Variants in SH3PXD2B observed in about 807,000 individuals in gnomAD.
The protein encoded by SH3PXD2B is SH3 and PX domains 2B, also known as SH3 and PX domain-containing protein 2B.
In SH3PXD2B, 37 loss-of-function variants were observed where a neutral mutation model predicts 73.1. That is an observed-to-expected ratio of 0.51 (90% CI 0.39 to 0.67). The LOEUF is 0.67. Among genes scored for constraint, SH3PXD2B ranks in the 30% least tolerant of loss-of-function variants. SH3PXD2B has a pLI of 0.00. For synonymous variants in SH3PXD2B, 457 were observed against 480.5 expected (o/e 0.95, Z 0.64); for missense variants, 1,053 against 1,197.8 (o/e 0.88, Z 1.78).
downstream of SH3PXD2B, among the ~76,000 whole-genome samples, chr5:172,329,075 A>AT (rs1561884420): frequency 9.8e-5 from 7 of 71,120 alleles, no homozygotes; most frequent in African/African-American, 3.3e-4. Flanking sequence ...ATATATATAT[A>AT]TATATATATT....
intron 10 of SH3PXD2B, among the ~76,000 whole-genome samples, chr5:172,348,663 CTATCTAT>C (rs1757066390): frequency 6.9e-5 from 2 of 28,874 alleles, no homozygotes; most frequent in African/African-American, 1.6e-4. Flanking sequence ...TCCTATCTAT[CTATCTAT>C]CTATCTATCT....
chr5:172,431,420 T>C (rs1023119862), intron 1 of SH3PXD2B, among the ~76,000 whole-genome samples: 4 of 152,144 alleles, frequency 2.6e-5, no homozygotes, highest in Non-Finnish European at 4.4e-5. Context: ...TCGGGTAGTA[T>C]TCCAGTTCCT....
At chr5:172,448,839 C>T (rs1213851050) in intron 1 of SH3PXD2B, among the ~76,000 whole-genome samples, 2 of 152,218 alleles carry the variant, frequency 1.3e-5, no homozygotes, top group Non-Finnish European at 2.9e-5. Flanking sequence ...TTCCACTCAA[C>T]TTTGCTGCCC....
At chr5:172,329,828 T>C (rs113358538), downstream of SH3PXD2B, among the ~76,000 whole-genome samples, 3,608 of 152,264 alleles carry the variant, frequency 0.024, 143 homozygotes, top group African/African-American at 0.082. Flanking sequence ...TAAGCCACTG[T>C]GCCCGGCCAG....
At chr5:172,419,936 C>A in intron 2 of SH3PXD2B, among the ~76,000 whole-genome samples, 1 of 152,236 alleles carries the variant, frequency 6.6e-6, no homozygotes, top group Non-Finnish European at 1.5e-5. Context: ...TTACCTAACA[C>A]TCACTCTTTG....
At chr5:172,420,383 T>C (rs911400734) in intron 2 of SH3PXD2B, among the ~76,000 whole-genome samples, 1 of 152,234 alleles carries the variant, frequency 6.6e-6, no homozygotes, top group Non-Finnish European at 1.5e-5. Context: ...CAGTTTGTTA[T>C]GTAGGCGTTT....
chr5:172,331,477 T>C (rs6881831), downstream of SH3PXD2B, among the ~76,000 whole-genome samples: 99,083 of 152,002 alleles, frequency 0.65, 32,490 homozygotes, highest in South Asian at 0.84. Flanking sequence ...TGCAAGACGC[T>C]GAAGAATCTC....
At chr5:172,372,043 CAG>C (rs1468804207) in intron 6 of SH3PXD2B, among the ~76,000 whole-genome samples, 1 of 152,248 alleles carries the variant, frequency 6.6e-6, no homozygotes, top group East Asian at 1.9e-4. Flanking sequence ...TTCCCTGAGG[CAG>C]AGAGAATGAC....
chr5:172,399,457 T>C (rs1235893247), intron 3 of SH3PXD2B, among the ~76,000 whole-genome samples: 4 of 152,192 alleles, frequency 2.6e-5, no homozygotes, highest in Non-Finnish European at 5.9e-5. Context: ...GGAAAGAGGA[T>C]ATGCTTGTGT....
At chr5:172,362,939 G>C in intron 6 of SH3PXD2B, 70 bp from the exon 7 acceptor site, 1 of 1,602,574 alleles carries the variant, frequency 6.2e-7, no homozygotes, top group Non-Finnish European at 8.5e-7. Context: ...CAGAGCAGTA[G>C]GGCGGGTCAA....
intron 6 of SH3PXD2B, among the ~76,000 whole-genome samples, chr5:172,363,859 G>T (rs1757451014): frequency 6.6e-6 from 1 of 152,210 alleles, no homozygotes; most frequent in South Asian, 2.1e-4. Flanking sequence ...TTTGAGAAAG[G>T]AATGACAAGA....
downstream of SH3PXD2B, among the ~76,000 whole-genome samples, chr5:172,330,973 T>A (rs1334714496): frequency 6.6e-6 from 1 of 152,204 alleles, no homozygotes; most frequent in African/African-American, 2.4e-5. Context: ...GGTGGGTGGA[T>A]CACTTGAGGA....
chr5:172,402,466 T>C (rs1758439225), intron 3 of SH3PXD2B, among the ~76,000 whole-genome samples: 1 of 152,166 alleles, frequency 6.6e-6, no homozygotes, highest in African/African-American at 2.4e-5. Context: ...ATTCGTACAC[T>C]CCCTCCCCTT....
At chr5:172,410,656 G>C (rs1367282257) in intron 2 of SH3PXD2B, among the ~76,000 whole-genome samples, 2 of 152,166 alleles carry the variant, frequency 1.3e-5, no homozygotes, top group Admixed American at 6.5e-5. Flanking sequence ...ACGCAACTGA[G>C]CAAACGCTTT....
intron 2 of SH3PXD2B, among the ~76,000 whole-genome samples, chr5:172,415,346 G>C (rs190299602): frequency 1.3e-5 from 2 of 152,260 alleles, no homozygotes; most frequent in Non-Finnish European, 2.9e-5. Context: ...GGAGCCAAAT[G>C]GGCCTTAAAA....
downstream of SH3PXD2B, among the ~76,000 whole-genome samples, chr5:172,329,537 A>ATTATTTT (rs1189125823): frequency 1.6e-5 from 1 of 62,996 alleles, no homozygotes; most frequent in Non-Finnish European, 3.6e-5. Context: ...GATCTTTGTT[A>ATTATTTT]TTCTTTTTTT....
chr5:172,413,494 C>T (rs10068324), intron 2 of SH3PXD2B, among the ~76,000 whole-genome samples: 10,188 of 152,182 alleles, frequency 0.067, 553 homozygotes, highest in African/African-American at 0.15. Flanking sequence ...CACTGGTACA[C>T]GGTAAGCACC....
intron 1 of SH3PXD2B, among the ~76,000 whole-genome samples, chr5:172,432,954 C>T (rs1230352854): frequency 6.7e-6 from 1 of 149,418 alleles, no homozygotes; most frequent in Non-Finnish European, 1.5e-5. Flanking sequence ...ATTGACTGTA[C>T]CATATCTAAA....
Position 172,421,630 on chromosome 5 carries a change from G to A in SH3PXD2B, c.156+786C>T, listed in dbSNP as rs1758965826. Among the ~76,000 whole-genome samples, 1 of 152,184 alleles carries A rather than the reference G, an allele frequency of 6.6e-6. No homozygotes were observed. The highest frequency in any genetic ancestry group is 6.5e-5 in the Admixed American group (1 of 15,276). On this transcript the variant is annotated intron_variant, in intron 2 of 12. Coordinates refer to ENST00000311601, the MANE Select transcript of SH3PXD2B (RefSeq NM_001017995.3). The surrounding 1 kb of genome is among the most constrained non-coding windows in gnomAD (Gnocchi z 4.0). Reference sequence around the variant, plus strand: ...GGAACAAAGGCAAGGTTTCCTAGGGGATGAGAGTCCTGAAGGGCAGAAGGG... The same window carrying A: ...GGAACAAAGGCAAGGTTTCCTAGGGAATGAGAGTCCTGAAGGGCAGAAGGG...
Sources: gnomAD v4.1 joint callset for allele counts (sites outside exome capture counted in the v4.1 genomes callset) on GRCh38, gnomAD v4.1.1 for gene constraint, Gnocchi (gnomAD v3.1) non-coding constraint, MANE v1.5 for transcripts, NCBI Gene and HGNC (gene_info 2026-07-23, HGNC 2026-07-21) for gene names.